The following ITGB3BP variants were observed in gnomAD, a reference collection of about 807,000 sequenced individuals.
ITGB3BP encodes the protein centromere protein R.
ITGB3BP carries 27 observed loss-of-function variants against 29.1 expected under a neutral mutation model. That is an observed-to-expected ratio of 0.93 (90% CI 0.68 to 1.28). ITGB3BP has a LOEUF of 1.28. Among genes scored for constraint, ITGB3BP ranks in the 50% most tolerant of loss-of-function variants. ITGB3BP has a pLI of 0.00. For missense variants in ITGB3BP, 192 were observed against 200.2 expected (o/e 0.96, Z 0.25); for synonymous variants, 61 against 61.4 (o/e 0.99, Z 0.03).
chr1:63,499,767 GTAAC>G (rs568001226), intron 2 of ITGB3BP, among the ~76,000 whole-genome samples: 92 of 152,208 alleles, frequency 6.0e-4, no homozygotes, highest in African/African-American at 2.1e-3. Flanking sequence ...TGCAGGAAAA[GTAAC>G]TGACAAAAAT....
At chr1:63,492,836 G>A (rs533686966) in intron 2 of ITGB3BP, among the ~76,000 whole-genome samples, 7 of 152,304 alleles carry the variant, frequency 4.6e-5, no homozygotes, top group African/African-American at 1.7e-4. Flanking sequence ...CAGCTGGGCA[G>A]GGCATTTCAT....
intron 4 of ITGB3BP, among the ~76,000 whole-genome samples, chr1:63,471,557 A>C (rs949059911): frequency 1.3e-5 from 2 of 151,816 alleles, no homozygotes; most frequent in African/African-American, 4.8e-5. Flanking sequence ...AGCCCCTAAA[A>C]GTTTTATTCT....
At chr1:63,485,010 C>T (rs917711364) in intron 3 of ITGB3BP, among the ~76,000 whole-genome samples, 1 of 151,866 alleles carries the variant, frequency 6.6e-6, no homozygotes, top group African/African-American at 2.4e-5. Flanking sequence ...CTATTTCAGC[C>T]TTTCTATTTT....
intron 2 of ITGB3BP, among the ~76,000 whole-genome samples, chr1:63,498,613 T>C (rs1052776003): frequency 6.6e-6 from 1 of 151,190 alleles, no homozygotes; most frequent in Admixed American, 6.6e-5. Context: ...GAGACAGCTC[T>C]CATATCAATA....
At chr1:63,448,256 C>A (rs1644815334) in intron 7 of ITGB3BP, among the ~76,000 whole-genome samples, 1 of 147,412 alleles carries the variant, frequency 6.8e-6, no homozygotes, top group Non-Finnish European at 1.5e-5. Flanking sequence ...GTGCAGCACA[C>A]CAGCATGGCA....
At chr1:63,471,342 T>G (rs1645193738) in intron 4 of ITGB3BP, among the ~76,000 whole-genome samples, 1 of 148,186 alleles carries the variant, frequency 6.7e-6, no homozygotes, top group Non-Finnish European at 1.5e-5. Context: ...CTCGGCTCAC[T>G]GCAAGTTCAC....
chr1:63,465,197 T>C (rs113154373), intron 4 of ITGB3BP, among the ~76,000 whole-genome samples: 4 of 152,140 alleles, frequency 2.6e-5, no homozygotes, highest in Non-Finnish European at 4.4e-5. Context: ...TCAGAAAAGT[T>C]TGAGTACCTA....
At chr1:63,481,498 T>C (rs1046932744) in intron 3 of ITGB3BP, among the ~76,000 whole-genome samples, 3 of 152,182 alleles carry the variant, frequency 2.0e-5, no homozygotes, top group Non-Finnish European at 4.4e-5. Flanking sequence ...AAAAGCACTA[T>C]AGAGTCTATA....
chr1:63,527,473 G>A (rs532146788), upstream of ITGB3BP, among the ~76,000 whole-genome samples: 61 of 151,972 alleles, frequency 4.0e-4, 1 homozygote, highest in African/African-American at 1.4e-3. Context: ...CAGAGACAGC[G>A]GTAGCATTAC....
chr1:63,478,026 C>A (rs755101567), intron 4 of ITGB3BP, among the ~76,000 whole-genome samples: 1 of 152,106 alleles, frequency 6.6e-6, no homozygotes, highest in East Asian at 1.9e-4. Flanking sequence ...CTATGCATAT[C>A]CTCCCATATA....
chr1:63,466,280 C>G (rs890114257), intron 4 of ITGB3BP, among the ~76,000 whole-genome samples: 3 of 152,174 alleles, frequency 2.0e-5, no homozygotes, highest in Non-Finnish European at 2.9e-5. Context: ...TTATTCAGTT[C>G]TGAGAAATGG....
At chr1:63,484,223 A>C (rs1440313840) in intron 3 of ITGB3BP, among the ~76,000 whole-genome samples, 1 of 152,164 alleles carries the variant, frequency 6.6e-6, no homozygotes. Flanking sequence ...TATTAGGTAT[A>C]TAAGTAATCC....
At chr1:63,479,963 T>C (rs981562458) in intron 3 of ITGB3BP, among the ~76,000 whole-genome samples, 1 of 152,136 alleles carries the variant, frequency 6.6e-6, no homozygotes, top group African/African-American at 2.4e-5. Flanking sequence ...ATATACTCAG[T>C]AGTGGGATTG....
intron 2 of ITGB3BP, among the ~76,000 whole-genome samples, chr1:63,497,951 C>T (rs1645831276): frequency 6.6e-6 from 1 of 151,218 alleles, no homozygotes; most frequent in Admixed American, 6.6e-5. Flanking sequence ...CAAGAAAATA[C>T]AATGAATAAA....
intron 4 of ITGB3BP, among the ~76,000 whole-genome samples, chr1:63,473,521 T>G (rs1314218368): frequency 1.2e-4 from 12 of 101,220 alleles, no homozygotes; most frequent in African/African-American, 2.0e-4. Flanking sequence ...GGGAGGGAGG[T>G]GGGGGGTCAG....
At chr1:63,480,323 C>T (rs1256174744) in intron 3 of ITGB3BP, among the ~76,000 whole-genome samples, 1 of 152,100 alleles carries the variant, frequency 6.6e-6, no homozygotes, top group Non-Finnish European at 1.5e-5. Context: ...AAGTAGATAA[C>T]TGTTTTATGA....
intron 4 of ITGB3BP, among the ~76,000 whole-genome samples, chr1:63,464,648 A>G (rs1190986193): frequency 2.0e-5 from 3 of 152,226 alleles, no homozygotes; most frequent in African/African-American, 7.2e-5. Context: ...GAAACATGAC[A>G]AAGTACCTCC....
chr1:63,467,431 C>T (rs1371468440), intron 4 of ITGB3BP, among the ~76,000 whole-genome samples: 1 of 151,780 alleles, frequency 6.6e-6, no homozygotes, highest in African/African-American at 2.4e-5. Context: ...CTCACTGCAG[C>T]CTCCACCTCC....
At chr1:63,512,092 T>A (rs1441242185) in intron 1 of ITGB3BP, among the ~76,000 whole-genome samples, 1 of 152,036 alleles carries the variant, frequency 6.6e-6, no homozygotes, top group African/African-American at 2.4e-5. Context: ...TGCCCGTAAT[T>A]TACAAGTTAT....
Sources: gnomAD v4.1 joint callset for allele counts (sites outside exome capture counted in the v4.1 genomes callset) on GRCh38, gnomAD v4.1.1 for gene constraint, MANE v1.5 for transcripts, NCBI Gene and HGNC (gene_info 2026-07-23, HGNC 2026-07-21) for gene names.